The following LIMK2 variants were observed in gnomAD, a reference collection of about 807,000 sequenced individuals.
The protein encoded by LIMK2 is LIM domain kinase 2.
In LIMK2, 35 loss-of-function variants were observed where a neutral mutation model predicts 75.7. The ratio of observed to expected loss-of-function variants is 0.46; its 90% CI spans 0.35 to 0.61. The LOEUF (loss-of-function observed/expected upper bound fraction) is 0.61. LIMK2 is among the 20% of genes least tolerant of loss of function. The probability of loss-of-function intolerance (pLI) is 0.00; values close to 1 mark genes in which losing one functional copy is unlikely to be tolerated. For missense variants in LIMK2, 623 were observed against 831.0 expected (o/e 0.75, Z 3.08); for synonymous variants, 301 against 319.2 (o/e 0.94, Z 0.61).
At chr22:31,224,401 T>G (rs1410107799) in intron 1 of LIMK2, among the ~76,000 whole-genome samples, 1 of 152,170 alleles carries the variant, frequency 6.6e-6, no homozygotes, top group African/African-American at 2.4e-5. Context: ...CTGGTTCCCC[T>G]CATTGGAGTG....
At chr22:31,237,843 A>G (rs1011358620) in intron 2 of LIMK2, among the ~76,000 whole-genome samples, 4 of 151,190 alleles carry the variant, frequency 2.6e-5, no homozygotes, top group African/African-American at 7.3e-5. Flanking sequence ...AGTGGCTCAC[A>G]CCTGTAATCC....
At chr22:31,215,076 C>T (rs762590969) in intron 1 of LIMK2, among the ~76,000 whole-genome samples, 7 of 152,176 alleles carry the variant, frequency 4.6e-5, no homozygotes, top group African/African-American at 9.7e-5. Context: ...GGATTATAGG[C>T]GTGAGCCACC....
chr22:31,270,453 A>T (rs2048944468), intron 11 of LIMK2, among the ~76,000 whole-genome samples: 1 of 152,144 alleles, frequency 6.6e-6, no homozygotes, highest in South Asian at 2.1e-4. Flanking sequence ...CCAGGAGCCT[A>T]AGGGATGAAA....
chr22:31,277,291 C>T, intron 15 of LIMK2: 1 of 1,470,796 alleles, frequency 6.8e-7, no homozygotes, highest in South Asian at 1.4e-5. Flanking sequence ...CTTCCCCTGC[C>T]CCCTCAGTTT....
chr22:31,271,093 T>A (rs376002436), intron 11 of LIMK2, 43 bp from the exon 12 acceptor site: 40 of 1,565,890 alleles, frequency 2.6e-5, no homozygotes, highest in Non-Finnish European at 3.5e-5. Context: ...AGGGTCTAGT[T>A]GATTTGCTGG....
intron 1 of LIMK2, among the ~76,000 whole-genome samples, chr22:31,224,345 C>G (rs770124737): frequency 3.9e-5 from 6 of 152,216 alleles, no homozygotes; most frequent in Non-Finnish European, 7.3e-5. Context: ...TCTTCCCTAT[C>G]TTGCAAGGCT....
chr22:31,250,447 C>G (rs1013913194), intron 2 of LIMK2, among the ~76,000 whole-genome samples: 3 of 152,144 alleles, frequency 2.0e-5, no homozygotes, highest in Admixed American at 2.0e-4. Context: ...CTAATGCCAC[C>G]CAAGTCCACC....
Position 31,279,692 on chromosome 22 carries a change from T to C in LIMK2, c.*1251T>C, listed in dbSNP as rs2049067035. 6.6e-6 allele frequency: 1 copy of C among 152,224 alleles called. No individual in the cohort carries two copies. Among genetic ancestry groups the C allele is most frequent in the East Asian group, 1.9e-4 (1 of 5,202 alleles). The allele number at this position is 152,224 out of a possible 1,614,324, so 9.4% of individuals were successfully genotyped here. On this transcript the variant is annotated 3_prime_UTR_variant, in exon 16 of 16. Transcript: ENST00000331728. ...TTGCCTCTTCTAAGTGTCTATGAGC[T>C]TGCACCATATTTAATAAATTGGGAA...
At chr22:31,230,410 T>C (rs1263430157) in intron 2 of LIMK2, among the ~76,000 whole-genome samples, 1 of 152,162 alleles carries the variant, frequency 6.6e-6, no homozygotes, top group Non-Finnish European at 1.5e-5. Context: ...TGACAACTTT[T>C]TTGATGATTG....
At chr22:31,276,832 G>GATGAGGGCC (rs1569005501) in intron 15 of LIMK2, 1 of 1,611,948 alleles carries the variant, frequency 6.2e-7, no homozygotes, top group South Asian at 1.1e-5. Context: ...CTGCGCGGAT[G>GATGAGGGCC]ATGAGGGCCC....
At chr22:31,258,874 G>A (rs1601430495) in intron 3 of LIMK2, 1 of 464,572 alleles carries the variant, frequency 2.2e-6, no homozygotes, top group East Asian at 3.9e-5. Flanking sequence ...ATCTTTTTTA[G>A]TGGGGATGAT....
Position 31,225,783 on chromosome 22 carries a change from G to C in LIMK2, c.80G>C (p.Arg27Thr), listed in dbSNP as rs1175386769. 3 of 1,613,968 alleles carry C rather than the reference G, an allele frequency of 1.9e-6. No individual in the cohort carries two copies. In the South Asian group the frequency reaches 3.3e-5, roughly 18 times the overall value. ...ATTGCTCCAAGCCAGATATGGTACAGGACTGTCAACGAAACCTGGCACGGC... is the reference window on the plus strand; with the variant it reads ...ATTGCTCCAAGCCAGATATGGTACACGACTGTCAACGAAACCTGGCACGGC... ...DHIAPSQIWY[R>T]TVNETWHGSC... is the part of the protein sequence containing the mutation. Residue 27 changes from arginine (R) to threonine (T), a missense_variant, in exon 2 of 16, where the codon AGG (arginine) becomes ACG (threonine). By Grantham distance (71) the Arg-to-Thr change is moderately conservative. This residue lies in a region of LIMK2 where 514 missense variants were observed against 661.3 expected (regional missense o/e 0.78). Transcript: ENST00000331728.
chr22:31,255,776 C>T (rs1443077524), intron 2 of LIMK2, among the ~76,000 whole-genome samples: 2 of 152,086 alleles, frequency 1.3e-5, no homozygotes, highest in African/African-American at 2.4e-5. Context: ...TGGCAAAAGG[C>T]TTTCTCTCAT....
chr22:31,264,959 C>T (rs1363422690), intron 7 of LIMK2, among the ~76,000 whole-genome samples: 1 of 150,634 alleles, frequency 6.6e-6, no homozygotes, highest in Non-Finnish European at 1.5e-5. Context: ...TTAGGGAGGC[C>T]GAGACAGATG....
At position 31,268,152 on chromosome 22, in the gene LIMK2, C is replaced by T. The variant is rs759725084; in HGVS notation, c.1269C>T (p.Phe423=). The change falls in exon 11 of 16, where the codon TTC becomes TTT. Residue 423 remains phenylalanine, a synonymous_variant. Coordinates refer to ENST00000331728, the MANE Select transcript of LIMK2 (RefSeq NM_005569.4). ...CATTCCCCATTCTGCAGGATCCGTT[C>T]CCCTGGCAGCAGAAGGTCAGGTTTG... The part of the protein sequence containing the change: ...LKDFLRSMDP[F]PWQQKVRFAK... 2.5e-6 allele frequency: 4 copies of T among 1,613,854 alleles called. No individual in the cohort carries two copies. In the Admixed American group the frequency reaches 5.0e-5, roughly 20 times the overall value.
At chr22:31,261,250 C>A (rs1457021137) in intron 5 of LIMK2, among the ~76,000 whole-genome samples, 1 of 151,860 alleles carries the variant, frequency 6.6e-6, no homozygotes, top group African/African-American at 2.4e-5. Context: ...TGCTTGAGGT[C>A]AAGAGTTTGG....
intron 2 of LIMK2, among the ~76,000 whole-genome samples, chr22:31,244,699 A>C (rs1239225593): frequency 6.6e-6 from 1 of 152,198 alleles, no homozygotes; most frequent in Non-Finnish European, 1.5e-5. Flanking sequence ...GACTTGCTAA[A>C]GGCCACATAG....
intron 2 of LIMK2, among the ~76,000 whole-genome samples, chr22:31,244,113 A>G (rs993229789): frequency 6.6e-6 from 1 of 152,178 alleles, no homozygotes; most frequent in Non-Finnish European, 1.5e-5. Flanking sequence ...AGTCCTTTGT[A>G]AGAGGAGTAG....
intron 2 of LIMK2, among the ~76,000 whole-genome samples, chr22:31,237,296 G>A (rs2048587416): frequency 6.6e-6 from 1 of 151,598 alleles, no homozygotes; most frequent in East Asian, 1.9e-4. Context: ...GGGCGCGGTG[G>A]CTCGCGCCTG....
Sources: allele counts gnomAD v4.1 joint callset (sites outside exome capture counted in the v4.1 genomes callset), GRCh38; gene constraint gnomAD v4.1.1; regional missense constraint gnomAD v4.1.1; transcripts MANE v1.5; gene names NCBI Gene and HGNC (gene_info 2026-07-23, HGNC 2026-07-21).